The following PKHD1 variants were observed in gnomAD, a reference collection of about 807,000 sequenced individuals.
PKHD1 encodes the protein PKHD1 ciliary IPT domain containing fibrocystin/polyductin.
A neutral mutation model predicts 412.0 loss-of-function variants in PKHD1; 291 were observed. That is an observed-to-expected ratio of 0.71 (90% CI 0.64 to 0.78). The LOEUF (loss-of-function observed/expected upper bound fraction) is 0.78. Among genes scored for constraint, PKHD1 ranks in the 30% least tolerant of loss-of-function variants. The pLI is 0.00. For synonymous variants in PKHD1, 1,777 were observed against 1,821.5 expected (o/e 0.98, Z 0.62); for missense variants, 4,825 against 4,950.7 (o/e 0.97, Z 0.76).
intron 48 of PKHD1, among the ~76,000 whole-genome samples, chr6:51,863,480 A>G (rs1774521736): frequency 6.6e-6 from 1 of 152,216 alleles, no homozygotes; most frequent in Admixed American, 6.5e-5. Context: ...GAAAATAATT[A>G]TAAGGGTTGA....
chr6:52,006,782 C>T (rs1266845138), intron 35 of PKHD1, among the ~76,000 whole-genome samples: 1 of 152,134 alleles, frequency 6.6e-6, no homozygotes, highest in Non-Finnish European at 1.5e-5. Context: ...GATTTTGGTG[C>T]ATCCATCACC....
chr6:51,654,019 G>T (rs1278530821), intron 61 of PKHD1, among the ~76,000 whole-genome samples: 3 of 152,048 alleles, frequency 2.0e-5, no homozygotes, highest in Non-Finnish European at 4.4e-5. Context: ...ATCACTCAAG[G>T]TCTTTCTAAT....
intron 60 of PKHD1, among the ~76,000 whole-genome samples, chr6:51,677,591 AT>A (rs1319502751): frequency 6.6e-6 from 1 of 152,196 alleles, no homozygotes; most frequent in East Asian, 1.9e-4. Context: ...TTCCAAATTA[AT>A]ACAAGAAAAA....
rs1766074262 is a variant in PKHD1, at chr6:51,616,463, C to T, written c.*2618G>A. 5.2e-6 allele frequency: 2 copies of T among 387,336 alleles called. No homozygotes were observed. Among genetic ancestry groups the T allele is most frequent in the Non-Finnish European group, 9.1e-6 (2 of 219,428 alleles). The allele number at this position is 387,336 out of a possible 1,614,324, so 24.0% of individuals were successfully genotyped here. On this transcript the variant is annotated 3_prime_UTR_variant, in exon 67 of 67. Transcript: ENST00000371117. ...GCCTACAGTGGTGCTCAAATTGGCT[C>T]ATCTCCAGACATGAATGAACATAGA...
intron 23 of PKHD1, among the ~76,000 whole-genome samples, chr6:52,046,401 A>T (rs898604466): frequency 2.6e-5 from 4 of 152,180 alleles, no homozygotes; most frequent in African/African-American, 4.8e-5. Context: ...TTTATATTAC[A>T]CTATCTTTCA....
intron 43 of PKHD1, among the ~76,000 whole-genome samples, chr6:51,894,875 G>A (rs1269061832): frequency 6.6e-6 from 1 of 152,228 alleles, no homozygotes; most frequent in African/African-American, 2.4e-5. Context: ...GGAGCTAGAT[G>A]AAGAGCACAT....
chr6:51,626,809 A>G (rs1767292408), intron 66 of PKHD1, among the ~76,000 whole-genome samples, 188 bp downstream of exon 66: 1 of 152,188 alleles, frequency 6.6e-6, no homozygotes, highest in Non-Finnish European at 1.5e-5. Flanking sequence ...TAATTGGTGA[A>G]TAGCTGAGTG....
rs1386151581 is a variant in PKHD1, at chr6:51,619,529, A to G, written c.11786-9T>C. On this transcript the variant is annotated splice_polypyrimidine_tract_variant and intron_variant, in intron 66 of 66. Coordinates refer to ENST00000371117, the MANE Select transcript of PKHD1 (RefSeq NM_138694.4). ...GACCTTCATTCTCATATCTGGGGGG[A>G]AAAGAAATAGGGGAAGAAATGGATT... 2.0e-5 allele frequency: 32 copies of G among 1,608,498 alleles called. No homozygotes were observed. Among genetic ancestry groups the G allele is most frequent in the African/African-American group, 2.7e-5 (2 of 74,812 alleles).
rs539562091 is a variant in PKHD1, at chr6:51,738,098, C to A, written c.10156+6287G>T. On this transcript the variant is annotated intron_variant, in intron 60 of 66. Transcript: ENST00000371117. Reference sequence around the variant, plus strand: ...ATTTCTGTGAATACCTCACTGTAGACAGGTAGCCGATAGTTTGTGGGCCAG... The same window carrying A: ...ATTTCTGTGAATACCTCACTGTAGAAAGGTAGCCGATAGTTTGTGGGCCAG... Among the ~76,000 whole-genome samples, 41 of 152,300 alleles carry A rather than the reference C, an allele frequency of 2.7e-4. 1 individual carries two copies. The highest frequency in any genetic ancestry group is 3.4e-3 in the Middle Eastern group (1 of 294).
chr6:51,752,993 G>A (rs1234238297), intron 57 of PKHD1, among the ~76,000 whole-genome samples: 1 of 152,148 alleles, frequency 6.6e-6, no homozygotes, highest in Non-Finnish European at 1.5e-5. Context: ...ATGTGCATAT[G>A]TGCTGACCAC....
At chr6:51,637,004 G>A (rs1303786034) in intron 64 of PKHD1, among the ~76,000 whole-genome samples, 1 of 152,176 alleles carries the variant, frequency 6.6e-6, no homozygotes, top group African/African-American at 2.4e-5. Context: ...TTTACAGGCT[G>A]TAAGTAGAAA....
chr6:51,655,799 T>C (rs755932089), intron 61 of PKHD1, among the ~76,000 whole-genome samples: 4 of 152,074 alleles, frequency 2.6e-5, no homozygotes, highest in Non-Finnish European at 5.9e-5. Flanking sequence ...TACTATCTCA[T>C]GCCAGTCAGA....
intron 36 of PKHD1, among the ~76,000 whole-genome samples, chr6:51,935,167 T>A (rs1011115190): frequency 6.6e-6 from 1 of 152,226 alleles, no homozygotes; most frequent in Non-Finnish European, 1.5e-5. Flanking sequence ...ATTCCATTTT[T>A]AAAAGAAAAG....
At chr6:51,662,955 T>C (rs1367692378) in intron 60 of PKHD1, among the ~76,000 whole-genome samples, 1 of 151,972 alleles carries the variant, frequency 6.6e-6, no homozygotes, top group Non-Finnish European at 1.5e-5. Context: ...AAAGGAATAG[T>C]CTCCTTTTTT....
chr6:51,924,105 A>G (rs1289585832), intron 37 of PKHD1, among the ~76,000 whole-genome samples: 2 of 152,176 alleles, frequency 1.3e-5, no homozygotes, highest in Admixed American at 6.5e-5. Flanking sequence ...ACAAATACCA[A>G]ATATAATACC....
At chr6:52,079,855 C>T in intron 5 of PKHD1, 45 bp downstream of exon 5, 1 of 1,090,862 alleles carries the variant, frequency 9.2e-7, no homozygotes. Context: ...CACAAGCACA[C>T]CCTTAGACTA....
chr6:51,929,877 G>C (rs1227443008), intron 37 of PKHD1, among the ~76,000 whole-genome samples: 1 of 152,112 alleles, frequency 6.6e-6, no homozygotes, highest in Non-Finnish European at 1.5e-5. Context: ...TCTTGAAAAG[G>C]ACAAAGACAG....
intron 37 of PKHD1, among the ~76,000 whole-genome samples, chr6:51,932,164 T>G (rs1250415465): frequency 6.6e-6 from 1 of 152,218 alleles, no homozygotes; most frequent in South Asian, 2.1e-4. Flanking sequence ...TGCCCCATAT[T>G]GACTGTAAGC....
At chr6:51,747,748 TATGA>T in intron 58 of PKHD1, 35 bp downstream of exon 58, 1 of 1,565,766 alleles carries the variant, frequency 6.4e-7, no homozygotes, top group South Asian at 1.1e-5. Context: ...TGCATGGATG[TATGA>T]AATGGCACTG....
Sources: allele counts gnomAD v4.1 joint callset (sites outside exome capture counted in the v4.1 genomes callset), GRCh38; gene constraint gnomAD v4.1.1; transcripts MANE v1.5; gene names NCBI Gene and HGNC (gene_info 2026-07-23, HGNC 2026-07-21).